Variants in MUSK observed in about 807,000 individuals in gnomAD.
The protein encoded by MUSK is muscle associated receptor tyrosine kinase.
In MUSK, 55 loss-of-function variants were observed where a neutral mutation model predicts 88.7. The observed-to-expected ratio is 0.62, with a 90% confidence interval of 0.50 to 0.78. The LOEUF is 0.78. Among genes scored for constraint, MUSK ranks in the 30% least tolerant of loss-of-function variants. The pLI is 0.00. For missense variants in MUSK, 1,015 were observed against 1,074.3 expected (o/e 0.94, Z 0.77); for synonymous variants, 387 against 391.9 (o/e 0.99, Z 0.15).
Position 110,787,674 on chromosome 9 carries a change from T to C in MUSK, c.1779-16T>C, listed in dbSNP as rs754578532. 2 of 1,609,120 alleles carry C rather than the reference T, an allele frequency of 1.2e-6. No homozygotes were observed. The highest frequency in any genetic ancestry group is 4.5e-5 in the East Asian group (2 of 44,846). On this transcript the variant is annotated splice_polypyrimidine_tract_variant and intron_variant, in intron 13 of 14. Coordinates refer to ENST00000374448, the MANE Select transcript of MUSK (RefSeq NM_005592.4). ...CCATGATCTTTGGTTTCTTTTTCAA[T>C]AAATGTATCTCTCAGGGCACCAGGC...
At chr9:110,737,265 T>C (rs566894409) in intron 6 of MUSK, among the ~76,000 whole-genome samples, 1 of 152,076 alleles carries the variant, frequency 6.6e-6, no homozygotes, top group East Asian at 1.9e-4. Context: ...ACCGAGTCTT[T>C]AGTTTCTGAT....
rs188034770 is a variant in MUSK, at chr9:110,761,869, C to T, written c.914-333C>T. The T allele has an allele frequency of 3.5e-5, 34 of 983,536 alleles. No individual in the cohort carries two copies. The Admixed American group carries it at 3.7e-4, about 11-fold the overall frequency. The allele number at this position is 983,536 out of a possible 1,614,324, so 60.9% of individuals were successfully genotyped here. On this transcript the variant is annotated intron_variant, in intron 7 of 14. Coordinates refer to ENST00000374448, the MANE Select transcript of MUSK (RefSeq NM_005592.4). The stretch of plus-strand genomic sequence containing the variant: ...GATTACAGGCGTGAGCCACCGCGCC[C>T]GGCCCACATCTTGATTTCTTAATGT...
At chr9:110,694,780 A>G (rs952510912) in intron 3 of MUSK, among the ~76,000 whole-genome samples, 2 of 152,312 alleles carry the variant, frequency 1.3e-5, no homozygotes, top group East Asian at 1.9e-4. Flanking sequence ...ATAAAAATTA[A>G]CTGGCATAAA....
chr9:110,781,256 TTTTTG>T (rs148739068), intron 11 of MUSK, among the ~76,000 whole-genome samples: 98,797 of 146,084 alleles, frequency 0.68, 34,921 homozygotes, highest in Non-Finnish European at 0.79. Context: ...TGTGTGTGTT[TTTTTG>T]TTTTGTTTTG....
At position 110,768,012 on chromosome 9, in the gene MUSK, G is replaced by C; in HGVS notation, c.1113G>C (p.Glu371Asp). Residue 371 changes from glutamate to aspartate, a missense_variant, in exon 9 of 15, where the codon GAG becomes GAC. Coordinates refer to ENST00000374448, the MANE Select transcript of MUSK (RefSeq NM_005592.4). ...VVSPVCRPAA[E>D]ALLCNHIFQE... ...GCCCAGTCTGCCGGCCAGCTGCTGAGGCTTTGTTGTGTAACCACATCTTCC... is the reference window on the plus strand; with the variant it reads ...GCCCAGTCTGCCGGCCAGCTGCTGACGCTTTGTTGTGTAACCACATCTTCC... The C allele has an allele frequency of 6.2e-7, 1 of 1,613,950 alleles. No individual in the cohort carries two copies. The highest frequency in any genetic ancestry group is 1.1e-5 in the South Asian group (1 of 91,086).
intron 14 of MUSK, among the ~76,000 whole-genome samples, chr9:110,797,173 A>AG (rs2078019350): frequency 7.2e-6 from 1 of 138,920 alleles, no homozygotes. Flanking sequence ...AAAAAAAAAA[A>AG]AAAAAAAAAA....
chr9:110,751,903 C>A (rs140562624), intron 7 of MUSK, among the ~76,000 whole-genome samples: 7 of 152,046 alleles, frequency 4.6e-5, no homozygotes, highest in African/African-American at 1.7e-4. Flanking sequence ...AGTTGTTACT[C>A]GAAAACTGAA....
chr9:110,748,178 C>T (rs983060595), intron 7 of MUSK, among the ~76,000 whole-genome samples: 1 of 148,478 alleles, frequency 6.7e-6, no homozygotes, highest in Non-Finnish European at 1.5e-5. Context: ...TCCTTCATTC[C>T]TCCCTCCTTC....
chr9:110,675,563 T>C (rs1341258306), intron 1 of MUSK, among the ~76,000 whole-genome samples: 5 of 18,606 alleles, frequency 2.7e-4, no homozygotes, highest in East Asian at 6.1e-4. Flanking sequence ...TAGTCTTCCC[T>C]TTTTTTTTTT....
intron 5 of MUSK, among the ~76,000 whole-genome samples, chr9:110,721,353 C>T (rs1435278630): frequency 6.6e-6 from 1 of 152,030 alleles, no homozygotes; most frequent in East Asian, 1.9e-4. Context: ...AAAGACTCAT[C>T]CAAAAAACTC....
In MUSK at chr9:110,800,670, C is replaced by G; in HGVS notation, c.2292C>G (p.Ile764Met). Residue 764 changes from isoleucine (I) to methionine (M), a missense_variant, in exon 15 of 15, where the codon ATC (isoleucine) becomes ATG (methionine). Coordinates refer to ENST00000374448, the MANE Select transcript of MUSK (RefSeq NM_005592.4). Reference sequence around the variant, plus strand: ...ACAAAGCTAATGAAAACGACGCTATCCCTATCCGTTGGATGCCACCAGAGT... The same window carrying G: ...ACAAAGCTAATGAAAACGACGCTATGCCTATCCGTTGGATGCCACCAGAGT... ...DYYKANENDA[I>M]PIRWMPPESI... The G allele has an allele frequency of 1.2e-6, 2 of 1,614,012 alleles. No individual in the cohort carries two copies. The highest frequency in any genetic ancestry group is 4.5e-5 in the East Asian group (2 of 44,870).
At chr9:110,747,596 G>C in intron 6 of MUSK, 45 bp from the exon 7 acceptor site, 1 of 1,556,850 alleles carries the variant, frequency 6.4e-7, no homozygotes, top group Non-Finnish European at 8.8e-7. Flanking sequence ...ATAGTATAGT[G>C]GGAAATCCTT....
intron 5 of MUSK, chr9:110,728,713 T>G (rs748849541): frequency 6.7e-5 from 105 of 1,574,336 alleles, no homozygotes; most frequent in Middle Eastern, 1.7e-4. Flanking sequence ...AACAAGATAC[T>G]AAAGGTATTT....
chr9:110,688,928 A>G lies in MUSK; in HGVS notation c.358+1660A>G, dbSNP rs149105101. On this transcript the variant is annotated intron_variant, in intron 3 of 14. Coordinates refer to ENST00000374448, the MANE Select transcript of MUSK (RefSeq NM_005592.4). ...GTTTTTTTGTTATATATATTTATATATAAATATATGTAAACATATATTTAA... is the reference window on the plus strand; with the variant it reads ...GTTTTTTTGTTATATATATTTATATGTAAATATATGTAAACATATATTTAA... 4.0e-3 allele frequency among the ~76,000 whole-genome samples: 591 copies of G among 146,264 alleles called. 6 individuals carry two copies. The highest frequency in any genetic ancestry group is 0.014 in the African/African-American group (567 of 40,388).
intron 5 of MUSK, among the ~76,000 whole-genome samples, chr9:110,732,203 A>T (rs1337707543): frequency 6.6e-6 from 1 of 151,982 alleles, no homozygotes; most frequent in African/African-American, 2.4e-5. Context: ...CTTGTTTCAG[A>T]TTCTCGGGCA....
At chr9:110,704,698 T>TG (rs1290286850) in intron 5 of MUSK, among the ~76,000 whole-genome samples, 4 of 152,118 alleles carry the variant, frequency 2.6e-5, no homozygotes, top group South Asian at 4.1e-4. Context: ...GAGAATTATA[T>TG]GGGGGGTCCC....
rs1280141977 is a variant in MUSK at position 110,775,815 on chromosome 9, C to G, written c.1212C>G (p.Leu404=). 2 of 1,613,762 alleles carry G rather than the reference C, an allele frequency of 1.2e-6. No individual in the cohort carries two copies. The highest frequency in any genetic ancestry group is 1.3e-5 in the African/African-American group (1 of 74,924). ...AGTACTGCTTGGCAGTAAAGGAGCT[C>G]TTCTGCGCAAAAGAATGGCTGGTAA... ...CREYCLAVKE[L]FCAKEWLVME... is the part of the protein sequence containing the mutation. The change falls in exon 10 of 15, where the codon CTC becomes CTG. Residue 404 remains leucine (L), a synonymous_variant. Coordinates refer to ENST00000374448, the MANE Select transcript of MUSK (RefSeq NM_005592.4).
intron 14 of MUSK, among the ~76,000 whole-genome samples, chr9:110,798,452 T>G (rs77500210): frequency 0.098 from 14,845 of 152,202 alleles, 946 homozygotes; most frequent in South Asian, 0.18. Flanking sequence ...ATTCTGGCAG[T>G]GGAGCAAACA....
intron 2 of MUSK, among the ~76,000 whole-genome samples, chr9:110,686,050 G>A (rs1000855991): frequency 1.1e-4 from 17 of 152,098 alleles, no homozygotes; most frequent in Non-Finnish European, 4.4e-5. Flanking sequence ...CAGTTCTGGA[G>A]TTCACACGTA....
Sources: gnomAD v4.1 joint callset for allele counts (sites outside exome capture counted in the v4.1 genomes callset) on GRCh38, gnomAD v4.1.1 for gene constraint, MANE v1.5 for transcripts, NCBI Gene and HGNC (gene_info 2026-07-23, HGNC 2026-07-21) for gene names.